GAS2: variants seen among roughly 807,000 people sequenced by gnomAD.
The protein encoded by GAS2 is growth arrest-specific protein 2.
Under a neutral mutation model 37.5 loss-of-function variants are expected in GAS2, and 20 were observed. The observed-to-expected ratio is 0.53, with a 90% confidence interval of 0.37 to 0.77. The LOEUF (loss-of-function observed/expected upper bound fraction) is 0.77. Ranked by LOEUF, GAS2 falls within the 30% of genes least tolerant of loss-of-function variation. GAS2 has a pLI of 0.00. For synonymous variants in GAS2, 144 were observed against 132.2 expected, an observed-to-expected ratio of 1.09 and a Z score of -0.61; for missense variants, 336 against 373.4, an observed-to-expected ratio of 0.90 and a Z score of 0.82.
chr11:22,794,626 A>T (rs945955651), intron 7 of GAS2, among the ~76,000 whole-genome samples: 7 of 152,142 alleles, frequency 4.6e-5, no homozygotes, highest in African/African-American at 1.4e-4. Flanking sequence ...TTTTATAATG[A>T]TCATGTAAAT....
At chr11:22,788,962 T>C (rs1855958737) in intron 7 of GAS2, among the ~76,000 whole-genome samples, 1 of 152,066 alleles carries the variant, frequency 6.6e-6, no homozygotes, top group East Asian at 1.9e-4. Context: ...TACTCAGTAA[T>C]TATTAATTAT....
chr11:22,711,544 G>C (rs1238429623), intron 3 of GAS2, among the ~76,000 whole-genome samples: 1 of 152,246 alleles, frequency 6.6e-6, no homozygotes, highest in African/African-American at 2.4e-5. Flanking sequence ...CAGATGGTGT[G>C]GGTAGGCAGG....
intron 5 of GAS2, among the ~76,000 whole-genome samples, chr11:22,748,216 C>T (rs994549499): frequency 6.6e-6 from 1 of 152,026 alleles, no homozygotes; most frequent in Non-Finnish European, 1.5e-5. Flanking sequence ...GCATTTAAGT[C>T]TTTATCCTGC....
At chr11:22,637,542 A>G (rs1462762142) in intron 1 of GAS2, among the ~76,000 whole-genome samples, 2 of 47,808 alleles carry the variant, frequency 4.2e-5, no homozygotes, top group Non-Finnish European at 6.4e-5. Context: ...TATACTTAAT[A>G]TAATATTAAT....
At chr11:22,801,033 A>G (rs11026798) in intron 7 of GAS2, among the ~76,000 whole-genome samples, 33,817 of 151,956 alleles carry the variant, frequency 0.22, 4,870 homozygotes, top group African/African-American at 0.41. Context: ...ATGAATGTAG[A>G]CTTTACCTTT....
intron 3 of GAS2, among the ~76,000 whole-genome samples, chr11:22,714,489 A>G (rs1453837497): frequency 2.0e-5 from 3 of 152,172 alleles, no homozygotes; most frequent in Non-Finnish European, 4.4e-5. Context: ...GTCAACAAAG[A>G]AACAGTGGAC....
intron 2 of GAS2, among the ~76,000 whole-genome samples, chr11:22,679,710 G>A (rs959656091): frequency 6.6e-6 from 1 of 151,900 alleles, no homozygotes; most frequent in Non-Finnish European, 1.5e-5. Flanking sequence ...AATTACATGA[G>A]AGCATATTTT....
intron 6 of GAS2, among the ~76,000 whole-genome samples, chr11:22,749,822 T>C (rs1853633337): frequency 6.6e-6 from 1 of 152,070 alleles, no homozygotes; most frequent in Non-Finnish European, 1.5e-5. Flanking sequence ...AGCAGAGCCC[T>C]TGAGTCACAA....
At chr11:22,770,066 A>G (rs2134420904) in intron 7 of GAS2, among the ~76,000 whole-genome samples, 1 of 152,314 alleles carries the variant, frequency 6.6e-6, no homozygotes, top group East Asian at 1.9e-4. Context: ...CAAACACCGC[A>G]TGTTCTCACT....
chr11:22,657,651 A>G (rs1458798216), intron 1 of GAS2, among the ~76,000 whole-genome samples: 1 of 152,220 alleles, frequency 6.6e-6, no homozygotes. Context: ...GAAGAAAAAA[A>G]TAACATGTTT....
intron 4 of GAS2, among the ~76,000 whole-genome samples, chr11:22,734,113 A>G (rs1361947782): frequency 6.6e-6 from 1 of 151,776 alleles, no homozygotes; most frequent in African/African-American, 2.4e-5. Context: ...TTATCTTGAC[A>G]AAGGTATACA....
chr11:22,697,470 A>G (rs967515310), intron 3 of GAS2, among the ~76,000 whole-genome samples: 4 of 152,084 alleles, frequency 2.6e-5, no homozygotes, highest in African/African-American at 9.7e-5. Flanking sequence ...GTTTTTTCCA[A>G]TTCTGTGAAG....
chr11:22,639,122 C>T (rs1858877917), intron 1 of GAS2, among the ~76,000 whole-genome samples: 1 of 151,984 alleles, frequency 6.6e-6, no homozygotes, highest in South Asian at 2.1e-4. Flanking sequence ...AACTGTCTTT[C>T]TGGAAAAAAG....
rs553893160 is a variant in GAS2, at chr11:22,755,740, C to A, written c.616-106C>A. On this transcript the variant is annotated intron_variant, in intron 6 of 7. Transcript: ENST00000454584. ...TCACATGATGTCCATAGATAAATAA[C>A]AAGTTTAAAGTCATTAAGGGTTCAG... 70 of 674,000 alleles carry A rather than the reference C, an allele frequency of 1.0e-4. No homozygotes were observed. The African/African-American group carries it at 1.1e-3, about 11-fold the overall frequency. 41.8% of individuals were successfully genotyped at this position (674,000 alleles called of 1,614,324 possible).
intron 1 of GAS2, among the ~76,000 whole-genome samples, chr11:22,647,984 A>G (rs1848723475): frequency 1.3e-5 from 2 of 152,176 alleles, no homozygotes; most frequent in African/African-American, 2.4e-5. Flanking sequence ...TGTTTTAGAC[A>G]TGAAGTCCTT....
chr11:22,784,591 A>G (rs1855736965), intron 7 of GAS2, among the ~76,000 whole-genome samples: 1 of 152,130 alleles, frequency 6.6e-6, no homozygotes, highest in African/African-American at 2.4e-5. Context: ...CACAATGTAA[A>G]TGGTAGCTGC....
At chr11:22,661,118 T>C (rs927210340) in intron 1 of GAS2, among the ~76,000 whole-genome samples, 2 of 152,194 alleles carry the variant, frequency 1.3e-5, no homozygotes, top group Non-Finnish European at 2.9e-5. Flanking sequence ...AATATCTAAC[T>C]GCAAGAGAAT....
chr11:22,699,644 A>G (rs1175491897), intron 3 of GAS2, among the ~76,000 whole-genome samples: 3 of 152,172 alleles, frequency 2.0e-5, no homozygotes, highest in Non-Finnish European at 4.4e-5. Flanking sequence ...CTCAGTAGTC[A>G]TACTACCTGG....
chr11:22,637,232 A>AATATTAATTATATTAATAGTATACTAAT (rs1226969489), intron 1 of GAS2, among the ~76,000 whole-genome samples: 1 of 74,214 alleles, frequency 1.3e-5, no homozygotes, highest in African/African-American at 5.0e-5. Flanking sequence ...ATACTAATAT[A>AATATTAATTATATTAATAGTATACTAAT]ATATTAATTA....
Sources: allele counts gnomAD v4.1 joint callset (sites outside exome capture counted in the v4.1 genomes callset), GRCh38; gene constraint gnomAD v4.1.1; transcripts MANE v1.5; gene names NCBI Gene and HGNC (gene_info 2026-07-23, HGNC 2026-07-21).